The following ADCY2 variants were observed in gnomAD, a reference collection of about 807,000 sequenced individuals.
ADCY2 encodes the protein adenylate cyclase type 2.
Under a neutral mutation model 125.2 loss-of-function variants are expected in ADCY2, and 31 were observed. The ratio of observed to expected loss-of-function variants is 0.25; its 90% CI spans 0.19 to 0.33. The LOEUF is 0.33. Among genes scored for constraint, ADCY2 ranks in the 10% least tolerant of loss-of-function variants. ADCY2 has a pLI of 1.00. For synonymous variants in ADCY2, 512 were observed against 548.4 expected, an observed-to-expected ratio of 0.93 and a Z score of 0.93; for missense variants, 904 against 1,418.2, an observed-to-expected ratio of 0.64 and a Z score of 5.82.
intron 2 of ADCY2, among the ~76,000 whole-genome samples, chr5:7,417,285 G>C (rs906590937): frequency 5.8e-4 from 88 of 151,994 alleles, no homozygotes; most frequent in African/African-American, 2.0e-3. Context: ...AATTACCTTT[G>C]CTAATTGGTC....
At chr5:7,597,106 C>CT (rs938000747) in intron 3 of ADCY2, among the ~76,000 whole-genome samples, 5 of 151,908 alleles carry the variant, frequency 3.3e-5, no homozygotes, top group Admixed American at 1.3e-4. Flanking sequence ...TTATCTTGGT[C>CT]TTTTTTTTAG....
At chr5:7,519,540 C>A (rs1477919422) in intron 2 of ADCY2, among the ~76,000 whole-genome samples, 2 of 152,168 alleles carry the variant, frequency 1.3e-5, no homozygotes, top group Non-Finnish European at 2.9e-5. Flanking sequence ...CACCTTTCAT[C>A]CTTTTTGATG....
At chr5:7,814,012 A>C (rs1251862308) in intron 22 of ADCY2, among the ~76,000 whole-genome samples, 1 of 147,502 alleles carries the variant, frequency 6.8e-6, no homozygotes, top group Non-Finnish European at 1.5e-5. Context: ...TTTCCCCATA[A>C]GTCGTGAGAC....
chr5:7,541,526 G>C (rs1734996735), intron 3 of ADCY2, among the ~76,000 whole-genome samples: 1 of 152,212 alleles, frequency 6.6e-6, no homozygotes, highest in Non-Finnish European at 1.5e-5. Context: ...CATTAGTGTA[G>C]CTGGGAAGGC....
intron 14 of ADCY2, among the ~76,000 whole-genome samples, chr5:7,729,842 ATTAT>A (rs1462023367): frequency 1.3e-5 from 2 of 148,630 alleles, no homozygotes; most frequent in African/African-American, 4.9e-5. Context: ...AAAATATATA[ATTAT>A]TTATAATATG....
At chr5:7,772,350 G>A (rs1743582121) in intron 17 of ADCY2, among the ~76,000 whole-genome samples, 1 of 152,082 alleles carries the variant, frequency 6.6e-6, no homozygotes, top group South Asian at 2.1e-4. Flanking sequence ...GCTTTCTTCT[G>A]GTGCCTGTCA....
intron 2 of ADCY2, among the ~76,000 whole-genome samples, chr5:7,487,128 G>A (rs11134234): frequency 6.6e-6 from 1 of 152,220 alleles, no homozygotes; most frequent in Non-Finnish European, 1.5e-5. Context: ...CTTGGCCTGG[G>A]CCTTCAGGAA....
chr5:7,472,005 G>A (rs1209999333), intron 2 of ADCY2, among the ~76,000 whole-genome samples: 1 of 151,958 alleles, frequency 6.6e-6, no homozygotes, highest in Admixed American at 6.6e-5. Flanking sequence ...GCTTGAAATT[G>A]ATGTGTTTGG....
At chr5:7,687,211 A>G (rs575280343) in intron 4 of ADCY2, among the ~76,000 whole-genome samples, 1 of 152,308 alleles carries the variant, frequency 6.6e-6, no homozygotes, top group Admixed American at 6.5e-5. Flanking sequence ...ATCCTTCTAC[A>G]TTTGGGTCTA....
intron 4 of ADCY2, among the ~76,000 whole-genome samples, chr5:7,632,640 A>C (rs1418856358): frequency 1.3e-5 from 2 of 152,210 alleles, no homozygotes; most frequent in East Asian, 3.9e-4. Flanking sequence ...AGTGTTTGCT[A>C]TTCCAATCCA....
chr5:7,468,316 C>G (rs1383170180), intron 2 of ADCY2, among the ~76,000 whole-genome samples: 1 of 152,114 alleles, frequency 6.6e-6, no homozygotes, highest in Non-Finnish European at 1.5e-5. Flanking sequence ...ATGAAGGACT[C>G]TTTGTGAAGT....
Position 7,418,406 on chromosome 5 carries a change from T to A in ADCY2, c.408+3636T>A, listed in dbSNP as rs535739638. 3.3e-5 allele frequency among the ~76,000 whole-genome samples: 5 copies of A among 152,246 alleles called. No individual in the cohort carries two copies. In the East Asian group the frequency reaches 9.7e-4, roughly 29 times the overall value. On this transcript the variant is annotated intron_variant, in intron 2 of 24. Coordinates refer to ENST00000338316, the MANE Select transcript of ADCY2 (RefSeq NM_020546.3). Reference sequence around the variant, plus strand: ...CTGCTAGGCCCTCTCACCCAAGGCATGATGCTTAGAAAAGGCCATAGCCAG... The same window carrying A: ...CTGCTAGGCCCTCTCACCCAAGGCAAGATGCTTAGAAAAGGCCATAGCCAG...
At chr5:7,513,315 G>T (rs1444137723) in intron 2 of ADCY2, among the ~76,000 whole-genome samples, 1 of 152,112 alleles carries the variant, frequency 6.6e-6, no homozygotes, top group Admixed American at 6.6e-5. Flanking sequence ...TGTGATATTT[G>T]TATGAAAAGA....
intron 4 of ADCY2, among the ~76,000 whole-genome samples, chr5:7,667,416 A>C (rs1368074707): frequency 2.0e-5 from 3 of 152,214 alleles, no homozygotes; most frequent in African/African-American, 4.8e-5. Context: ...GTATCTGTTC[A>C]TCTGGTTCCA....
At chr5:7,496,989 T>C (rs1019146128) in intron 2 of ADCY2, among the ~76,000 whole-genome samples, 1 of 152,190 alleles carries the variant, frequency 6.6e-6, no homozygotes, top group Non-Finnish European at 1.5e-5. Context: ...CAGGTCCTTA[T>C]TAATTTCCCA....
intron 1 of ADCY2, among the ~76,000 whole-genome samples, chr5:7,413,460 AT>A (rs556822915): frequency 2.6e-4 from 38 of 147,652 alleles, no homozygotes; most frequent in Admixed American, 4.1e-4. Flanking sequence ...CGCGCGGCTA[AT>A]TTTTTTTTTT....
chr5:7,470,912 C>T (rs973245967), intron 2 of ADCY2, among the ~76,000 whole-genome samples: 8 of 151,658 alleles, frequency 5.3e-5, no homozygotes, highest in Admixed American at 1.3e-4. Context: ...TGAAGATGAT[C>T]GATAGCTTTT....
At chr5:7,501,941 A>G (rs938287470) in intron 2 of ADCY2, among the ~76,000 whole-genome samples, 8 of 152,082 alleles carry the variant, frequency 5.3e-5, no homozygotes, top group Non-Finnish European at 8.8e-5. Flanking sequence ...AGACGCAGAG[A>G]GTCTCTTTCC....
intron 3 of ADCY2, among the ~76,000 whole-genome samples, chr5:7,582,675 T>G (rs1736474961): frequency 6.6e-6 from 1 of 152,152 alleles, no homozygotes; most frequent in Non-Finnish European, 1.5e-5. Flanking sequence ...TGGCAAAATT[T>G]AACCCTCCTA....
Sources: gnomAD v4.1 joint callset for allele counts (sites outside exome capture counted in the v4.1 genomes callset) on GRCh38, gnomAD v4.1.1 for gene constraint, MANE v1.5 for transcripts, NCBI Gene and HGNC (gene_info 2026-07-23, HGNC 2026-07-21) for gene names.